Variants in PUM1 observed in about 807,000 individuals in gnomAD.
The protein encoded by PUM1 is pumilio RNA binding family member 1, also known as pumilio homolog 1.
A neutral mutation model predicts 131.8 loss-of-function variants in PUM1; 13 were observed. The ratio of observed to expected loss-of-function variants is 0.10; its 90% CI spans 0.06 to 0.16. The LOEUF is 0.16. Ranked by LOEUF, PUM1 falls within the 10% of genes least tolerant of loss-of-function variation. The pLI is 1.00. For missense variants in PUM1, 961 were observed against 1,512.4 expected, an observed-to-expected ratio of 0.64 and a Z score of 6.05; for synonymous variants, 509 against 556.5, an observed-to-expected ratio of 0.91 and a Z score of 1.20.
chr1:30,949,194 A>G (rs1483586260), intron 17 of PUM1: 1 of 430,694 alleles, frequency 2.3e-6, no homozygotes, highest in Non-Finnish European at 4.7e-6. Context: ...GTGGGTCATC[A>G]TTGCCAGACA....
intron 14 of PUM1, 53 bp from the exon 15 acceptor site, chr1:30,954,034 A>T: frequency 6.4e-7 from 1 of 1,559,448 alleles, no homozygotes. Flanking sequence ...AACTTCATTC[A>T]AGAGAGAAAA....
intron 15 of PUM1, among the ~76,000 whole-genome samples, chr1:30,952,690 G>GA: frequency 9.1e-6 from 1 of 109,594 alleles, no homozygotes; most frequent in Non-Finnish European, 2.1e-5. Flanking sequence ...GGGCGGGGGG[G>GA]GGGCGGGAGG....
intron 5 of PUM1, among the ~76,000 whole-genome samples, chr1:30,999,184 G>C (rs936014715): frequency 6.6e-6 from 1 of 152,106 alleles, no homozygotes; most frequent in Admixed American, 6.5e-5. Flanking sequence ...ATTTTTTGTA[G>C]AGATGGGGTC....
intron 17 of PUM1, among the ~76,000 whole-genome samples, chr1:30,947,996 T>C (rs751725792): frequency 6.6e-6 from 1 of 151,340 alleles, no homozygotes; most frequent in Non-Finnish European, 1.5e-5. Flanking sequence ...GCTGAGACTA[T>C]AGGAGTGCAC....
At chr1:30,949,555 A>AG (rs746399860) in intron 17 of PUM1, among the ~76,000 whole-genome samples, 1 of 151,116 alleles carries the variant, frequency 6.6e-6, no homozygotes, top group Non-Finnish European at 1.5e-5. Flanking sequence ...GGGAAGGGTG[A>AG]GGGGTCCTTC....
intron 20 of PUM1, among the ~76,000 whole-genome samples, chr1:30,939,004 CT>C (rs1639338152): frequency 6.6e-6 from 1 of 152,192 alleles, no homozygotes; most frequent in African/African-American, 2.4e-5. Flanking sequence ...AATCTCCTAT[CT>C]TTTCATTCAC....
chr1:31,020,963 G>A (rs1182298763), intron 3 of PUM1, among the ~76,000 whole-genome samples: 1 of 152,140 alleles, frequency 6.6e-6, no homozygotes, highest in East Asian at 1.9e-4. Context: ...ATACCAGCTT[G>A]AGAAAGCAAT....
chr1:30,934,971 T>C (rs1178280242), intron 21 of PUM1, among the ~76,000 whole-genome samples: 1 of 152,184 alleles, frequency 6.6e-6, no homozygotes, highest in Non-Finnish European at 1.5e-5. Context: ...GCTGAAAAAC[T>C]AAGAGGGCTT....
intron 2 of PUM1, among the ~76,000 whole-genome samples, chr1:31,030,819 G>T (rs572879344): frequency 6.6e-6 from 1 of 152,182 alleles, no homozygotes; most frequent in African/African-American, 2.4e-5. Flanking sequence ...TTGCATTATT[G>T]TTTTCAGTCA....
chr1:30,995,183 C>T lies in PUM1; in HGVS notation c.758G>A (p.Gly253Asp). The change falls in exon 6 of 22, where the codon GGT becomes GAT. Residue 253 changes from glycine (G) to aspartate (D), a missense_variant. Gly to Asp is a moderately conservative substitution (Grantham distance 94). Coordinates refer to ENST00000426105, the MANE Select transcript of PUM1 (RefSeq NM_001020658.2). ...RDADSDENDK[G>D]EKKNKGTFDG... ...AAACGTACCCTTGTTCTTCTTTTCA[C>T]CTTTGTCGTTTTCATCACTGTCTGC... is the stretch of plus-strand genomic sequence containing the variant. 1 of 1,614,122 alleles carries T rather than the reference C, an allele frequency of 6.2e-7. No homozygotes were observed. Among genetic ancestry groups the T allele is most frequent in the Non-Finnish European group, 8.5e-7 (1 of 1,180,016 alleles).
At chr1:31,065,091 G>T (rs1392917386) in intron 1 of PUM1, among the ~76,000 whole-genome samples, 1 of 152,042 alleles carries the variant, frequency 6.6e-6, no homozygotes, top group Admixed American at 6.6e-5. Flanking sequence ...TTTAAGGCTC[G>T]CAAAGTTCCC....
At chr1:30,969,329 AAAAAAAAG>A (rs1476462754) in intron 10 of PUM1, among the ~76,000 whole-genome samples, 2 of 147,264 alleles carry the variant, frequency 1.4e-5, no homozygotes, top group South Asian at 2.2e-4. Context: ...AAAAAAAAAA[AAAAAAAAG>A]AAAAAAAAAG....
chr1:30,975,523 T>C (rs1255655816), intron 9 of PUM1, among the ~76,000 whole-genome samples: 1 of 144,250 alleles, frequency 6.9e-6, no homozygotes, highest in Non-Finnish European at 1.5e-5. Context: ...ACTAATTTTT[T>C]TTTTTTTTTT....
At chr1:31,038,984 A>ATATATATATATATATATATTTTTTTTT in intron 2 of PUM1, among the ~76,000 whole-genome samples, 8 of 49,416 alleles carry the variant, frequency 1.6e-4, no homozygotes, top group Non-Finnish European at 1.5e-4. Flanking sequence ...ATATATATAT[A>ATATATATATATATATATATTTTTTTTT]TTTTTTTTTT....
intron 1 of PUM1, among the ~76,000 whole-genome samples, chr1:31,060,397 G>A (rs1213863891): frequency 6.6e-6 from 1 of 151,948 alleles, no homozygotes; most frequent in Non-Finnish European, 1.5e-5. Context: ...GAAGGCAAAG[G>A]TTGCAGTGAG....
intron 3 of PUM1, 64 bp from the exon 4 acceptor site, chr1:31,007,166 C>A: frequency 7.9e-7 from 1 of 1,265,016 alleles, no homozygotes; most frequent in Non-Finnish European, 1.1e-6. Context: ...CAGCAGTCAA[C>A]ACTTTCTTTT....
intron 2 of PUM1, among the ~76,000 whole-genome samples, chr1:31,032,665 A>G (rs753161941): frequency 2.6e-4 from 39 of 152,272 alleles, no homozygotes; most frequent in Admixed American, 7.8e-4. Flanking sequence ...TCACTTTACA[A>G]ATCTTTTGGC....
chr1:30,939,005 T>A (rs1277306929), intron 20 of PUM1, among the ~76,000 whole-genome samples: 1 of 152,188 alleles, frequency 6.6e-6, no homozygotes, highest in Non-Finnish European at 1.5e-5. Context: ...ATCTCCTATC[T>A]TTTCATTCAC....
chr1:30,985,847 C>A (rs941169600), intron 7 of PUM1, among the ~76,000 whole-genome samples: 1 of 152,044 alleles, frequency 6.6e-6, no homozygotes, highest in Non-Finnish European at 1.5e-5. Flanking sequence ...TTAAAAGGCC[C>A]TGCGTTTCTA....
Sources: gnomAD v4.1 joint callset for allele counts (sites outside exome capture counted in the v4.1 genomes callset) on GRCh38, gnomAD v4.1.1 for gene constraint, MANE v1.5 for transcripts, NCBI Gene and HGNC (gene_info 2026-07-23, HGNC 2026-07-21) for gene names.